MTHFD1L: variants seen among roughly 807,000 people sequenced by gnomAD.
MTHFD1L encodes monofunctional C1-tetrahydrofolate synthase, mitochondrial.
MTHFD1L carries 81 observed loss-of-function variants against 119.5 expected under a neutral mutation model. The observed-to-expected ratio is 0.68, with a 90% CI of 0.57 to 0.82. MTHFD1L has a LOEUF of 0.82. Among genes scored for constraint, MTHFD1L ranks in the 40% least tolerant of loss-of-function variants. The pLI is 0.00. For missense variants in MTHFD1L, 1,125 were observed against 1,253.4 expected (o/e 0.90, Z 1.55); for synonymous variants, 430 against 475.2 (o/e 0.90, Z 1.24).
At chr6:151,086,653 A>G (rs1793836605) in intron 26 of MTHFD1L, among the ~76,000 whole-genome samples, 1 of 151,892 alleles carries the variant, frequency 6.6e-6, no homozygotes, top group South Asian at 2.1e-4. Context: ...TCAGCCCCCT[A>G]AGTAACTGGG....
At chr6:150,885,996 A>G (rs1184274474) in intron 6 of MTHFD1L, among the ~76,000 whole-genome samples, 2 of 152,208 alleles carry the variant, frequency 1.3e-5, no homozygotes, top group African/African-American at 4.8e-5. Context: ...TAAAAGAGAA[A>G]TTAGTAGAGA....
intron 12 of MTHFD1L, among the ~76,000 whole-genome samples, chr6:150,937,196 G>A (rs560466009): frequency 2.2e-4 from 33 of 152,234 alleles, no homozygotes; most frequent in Admixed American, 4.6e-4. Flanking sequence ...CTCCCGCCTC[G>A]AGTGCGGTCT....
intron 24 of MTHFD1L, among the ~76,000 whole-genome samples, chr6:151,030,901 G>A (rs1785254307): frequency 6.6e-6 from 1 of 152,136 alleles, no homozygotes. Flanking sequence ...TACATTAGAA[G>A]TTGCCCATGC....
At position 151,090,637 on chromosome 6, in the gene MTHFD1L, G is replaced by T. The variant is rs189527894; in HGVS notation, c.2848-1830G>T. Among the ~76,000 whole-genome samples the T allele has an allele frequency of 2.6e-5, 4 of 152,352 alleles. No homozygotes were observed. The East Asian group carries it at 7.7e-4, about 29-fold the overall frequency. On this transcript the variant is annotated intron_variant, in intron 26 of 27. Transcript: ENST00000367321. Reference sequence around the variant, plus strand: ...GTTCTATTCTCTAGGCCTTAGGGAGGTCCCTTTTACACTGAGAACTTTTTG... The same window carrying T: ...GTTCTATTCTCTAGGCCTTAGGGAGTTCCCTTTTACACTGAGAACTTTTTG...
intron 11 of MTHFD1L, among the ~76,000 whole-genome samples, chr6:150,932,978 A>G (rs1791412180): frequency 6.6e-6 from 1 of 152,158 alleles, no homozygotes; most frequent in Non-Finnish European, 1.5e-5. Flanking sequence ...AATCTGAGCT[A>G]AAGATACTGG....
At chr6:150,910,111 G>C (rs1243208883) in intron 8 of MTHFD1L, among the ~76,000 whole-genome samples, 2 of 151,848 alleles carry the variant, frequency 1.3e-5, no homozygotes, top group African/African-American at 4.8e-5. Context: ...AATCCAAGAG[G>C]CAGAGGTTGC....
At chr6:150,903,893 T>C (rs1011980436) in intron 7 of MTHFD1L, among the ~76,000 whole-genome samples, 2 of 152,246 alleles carry the variant, frequency 1.3e-5, no homozygotes, top group African/African-American at 4.8e-5. Flanking sequence ...GTCAAATTGA[T>C]CAAATATTTC....
At chr6:151,047,343 GA>G in intron 26 of MTHFD1L, among the ~76,000 whole-genome samples, 1 of 152,264 alleles carries the variant, frequency 6.6e-6, no homozygotes. Flanking sequence ...GGGTATCATT[GA>G]AAATTCAGAA....
chr6:150,979,835 C>T (rs1777188382), intron 20 of MTHFD1L, among the ~76,000 whole-genome samples: 2 of 152,150 alleles, frequency 1.3e-5, no homozygotes, highest in South Asian at 2.1e-4. Flanking sequence ...TCTTGGCCTT[C>T]AGAGGACTCT....
intron 20 of MTHFD1L, among the ~76,000 whole-genome samples, chr6:150,983,696 C>G (rs150315775): frequency 1.3e-5 from 2 of 152,170 alleles, no homozygotes; most frequent in African/African-American, 2.4e-5. Flanking sequence ...GGAACTGTTA[C>G]GTTCAATTCC....
At chr6:151,051,798 G>A (rs1464532871) in intron 26 of MTHFD1L, among the ~76,000 whole-genome samples, 1 of 152,232 alleles carries the variant, frequency 6.6e-6, no homozygotes, top group Non-Finnish European at 1.5e-5. Context: ...CAGTGGGCAG[G>A]GTAGGCCAAG....
intron 26 of MTHFD1L, 37 bp downstream of exon 26, chr6:151,037,154 C>T (rs1786298908): frequency 1.2e-6 from 2 of 1,608,930 alleles, no homozygotes. Context: ...CCTCCCCATT[C>T]TGCATTGCTG....
At chr6:150,895,733 C>T (rs1235605860) in intron 7 of MTHFD1L, among the ~76,000 whole-genome samples, 2 of 149,506 alleles carry the variant, frequency 1.3e-5, no homozygotes, top group South Asian at 2.2e-4. Flanking sequence ...TCTAAATGTA[C>T]TTGTATTATA....
chr6:150,888,129 A>G, intron 7 of MTHFD1L, 148 bp downstream of exon 7: 1 of 831,466 alleles, frequency 1.2e-6, no homozygotes, highest in Non-Finnish European at 1.7e-6. Flanking sequence ...GAATGAGTCT[A>G]CTCACCAGAC....
chr6:150,986,766 A>T (rs922709505), intron 20 of MTHFD1L, among the ~76,000 whole-genome samples: 1 of 152,132 alleles, frequency 6.6e-6, no homozygotes, highest in Non-Finnish European at 1.5e-5. Flanking sequence ...GTGCAGTGGC[A>T]CAATATCGGC....
intron 26 of MTHFD1L, among the ~76,000 whole-genome samples, chr6:151,038,095 A>G (rs904836783): frequency 5.9e-5 from 9 of 152,182 alleles, no homozygotes; most frequent in African/African-American, 2.2e-4. Context: ...TGTTTTTTCA[A>G]TCAGCATTTT....
At chr6:150,996,018 A>G (rs1779768357) in intron 20 of MTHFD1L, among the ~76,000 whole-genome samples, 1 of 152,210 alleles carries the variant, frequency 6.6e-6, no homozygotes, top group Non-Finnish European at 1.5e-5. Flanking sequence ...GAAATAAGCC[A>G]AAACAACAAA....
chr6:151,069,869 C>T (rs535048280), intron 26 of MTHFD1L, among the ~76,000 whole-genome samples: 3 of 152,266 alleles, frequency 2.0e-5, no homozygotes, highest in South Asian at 2.1e-4. Context: ...AGTGAGACAC[C>T]GAACATGCCA....
At chr6:151,001,162 A>G (rs1303230307) in intron 20 of MTHFD1L, among the ~76,000 whole-genome samples, 3 of 152,300 alleles carry the variant, frequency 2.0e-5, no homozygotes, top group Admixed American at 6.5e-5. Context: ...GGTGAACTCA[A>G]TATGTTGTAT....
Sources: allele counts gnomAD v4.1 joint callset (sites outside exome capture counted in the v4.1 genomes callset), GRCh38; gene constraint gnomAD v4.1.1; transcripts MANE v1.5; gene names NCBI Gene and HGNC (gene_info 2026-07-23, HGNC 2026-07-21).